Variants in RORA observed in about 807,000 individuals in gnomAD.
RORA encodes nuclear receptor ROR-alpha.
In RORA, 7 loss-of-function variants were observed where a neutral mutation model predicts 69.5. The ratio of observed to expected loss-of-function variants is 0.10; its 90% CI spans 0.06 to 0.19. RORA has a LOEUF of 0.19. Ranked by LOEUF, RORA falls within the 10% of genes least tolerant of loss-of-function variation. The pLI, the probability that RORA is intolerant of heterozygous loss-of-function variation, is 1.00. For synonymous variants in RORA, 261 were observed against 240.8 expected, an observed-to-expected ratio of 1.08 and a Z score of -0.78; for missense variants, 457 against 663.0, an observed-to-expected ratio of 0.69 and a Z score of 3.41.
At chr15:60,862,755 C>T (rs544390875) in intron 1 of RORA, among the ~76,000 whole-genome samples, 1 of 152,312 alleles carries the variant, frequency 6.6e-6, no homozygotes, top group Admixed American at 6.5e-5. Flanking sequence ...GGAGTGAGAA[C>T]TGTACAAGCT....
chr15:60,605,917 C>T (rs1253589386), intron 2 of RORA, among the ~76,000 whole-genome samples: 6 of 152,234 alleles, frequency 3.9e-5, no homozygotes, highest in East Asian at 1.9e-4. Context: ...AAGTGTTTTC[C>T]GCAGAGGCAC....
At chr15:60,686,286 C>A (rs959543848) in intron 1 of RORA, among the ~76,000 whole-genome samples, 4 of 152,200 alleles carry the variant, frequency 2.6e-5, no homozygotes, top group African/African-American at 9.6e-5. Context: ...AATCTTCAGA[C>A]AAAACTTATT....
At chr15:60,566,376 A>C (rs1193868360) in intron 2 of RORA, among the ~76,000 whole-genome samples, 1 of 152,186 alleles carries the variant, frequency 6.6e-6, no homozygotes, top group East Asian at 1.9e-4. Flanking sequence ...ATGTTATTTT[A>C]ATTTTTTTTG....
intron 1 of RORA, among the ~76,000 whole-genome samples, chr15:61,135,531 T>C (rs1348751018): frequency 6.8e-6 from 1 of 147,612 alleles, no homozygotes; most frequent in Non-Finnish European, 1.5e-5. Flanking sequence ...TCTCACACTT[T>C]GATGCTATTC....
chr15:61,124,432 T>G (rs782938), intron 1 of RORA, among the ~76,000 whole-genome samples: 2 of 151,812 alleles, frequency 1.3e-5, no homozygotes, highest in East Asian at 1.9e-4. Context: ...TCTCTGCCCC[T>G]CTGAGAGCAG....
At chr15:60,655,089 T>A (rs2070200356) in intron 2 of RORA, among the ~76,000 whole-genome samples, 2 of 152,182 alleles carry the variant, frequency 1.3e-5, no homozygotes, top group South Asian at 4.1e-4. Flanking sequence ...CGTAAAGTAA[T>A]ATTTGTTGGA....
At chr15:60,836,829 C>A (rs1325903042) in intron 1 of RORA, among the ~76,000 whole-genome samples, 1 of 151,898 alleles carries the variant, frequency 6.6e-6, no homozygotes, top group Non-Finnish European at 1.5e-5. Flanking sequence ...CCAATCAGCT[C>A]CCCCCTCTGC....
chr15:60,985,010 A>C (rs1894159448), intron 1 of RORA, among the ~76,000 whole-genome samples: 1 of 151,882 alleles, frequency 6.6e-6, no homozygotes, highest in East Asian at 1.9e-4. Flanking sequence ...TTGGAGGGAC[A>C]GAGAGATTAC....
chr15:61,069,277 G>T (rs1242038596), intron 1 of RORA, among the ~76,000 whole-genome samples: 10 of 152,098 alleles, frequency 6.6e-5, no homozygotes, highest in Non-Finnish European at 2.9e-5. Flanking sequence ...CAAATTAAAA[G>T]AACTTAAATG....
At chr15:60,824,010 T>C (rs920435194) in intron 1 of RORA, among the ~76,000 whole-genome samples, 2 of 152,158 alleles carry the variant, frequency 1.3e-5, no homozygotes, top group Non-Finnish European at 2.9e-5. Flanking sequence ...CTTATTGAAG[T>C]AGAATTATAA....
chr15:60,644,504 A>C (rs2070001936), intron 2 of RORA, among the ~76,000 whole-genome samples: 1 of 152,134 alleles, frequency 6.6e-6, no homozygotes, highest in African/African-American at 2.4e-5. Flanking sequence ...TTGACATGGG[A>C]TTTCTCTTTT....
intron 1 of RORA, among the ~76,000 whole-genome samples, chr15:61,017,943 AG>A (rs1214910606): frequency 6.6e-6 from 1 of 152,180 alleles, no homozygotes; most frequent in Admixed American, 6.5e-5. Context: ...AAGGAGTGAA[AG>A]GGTTGACAAA....
chr15:60,597,598 ATATATATATATATATATAT>A (rs2068718034), intron 2 of RORA, among the ~76,000 whole-genome samples: 5 of 16,634 alleles, frequency 3.0e-4, no homozygotes, highest in African/African-American at 6.9e-4. Flanking sequence ...ATATATACAC[ATATATATATATATATATAT>A]ACATACATAT....
chr15:60,949,910 G>C (rs956078964), intron 1 of RORA, among the ~76,000 whole-genome samples: 1 of 152,192 alleles, frequency 6.6e-6, no homozygotes. Context: ...TTCCAGCTCG[G>C]TAGGCTAGAA....
At chr15:60,735,494 G>T (rs953331728) in intron 1 of RORA, among the ~76,000 whole-genome samples, 4 of 151,684 alleles carry the variant, frequency 2.6e-5, no homozygotes. Context: ...AGAAACTAAT[G>T]CTACTTAATT....
intron 2 of RORA, among the ~76,000 whole-genome samples, chr15:60,609,188 C>T (rs1442920486): frequency 6.6e-6 from 1 of 152,182 alleles, no homozygotes; most frequent in Non-Finnish European, 1.5e-5. Flanking sequence ...AACTGACCTC[C>T]TTTCCACATT....
chr15:60,944,246 C>G (rs147887589), intron 1 of RORA, among the ~76,000 whole-genome samples: 1 of 152,118 alleles, frequency 6.6e-6, no homozygotes, highest in South Asian at 2.1e-4. Flanking sequence ...TGAGATGGAG[C>G]ATGGGCATCA....
intron 1 of RORA, among the ~76,000 whole-genome samples, chr15:61,006,759 T>G (rs144609537): frequency 9.3e-4 from 141 of 152,242 alleles, no homozygotes; most frequent in Non-Finnish European, 1.5e-3. Context: ...GCATTATCAG[T>G]GCTCACTAGA....
At chr15:60,667,046 C>T (rs971666342) in intron 2 of RORA, among the ~76,000 whole-genome samples, 2 of 152,092 alleles carry the variant, frequency 1.3e-5, no homozygotes, top group African/African-American at 4.8e-5. Context: ...CAGGAATTAC[C>T]GAATGTAAGG....
Sources: allele counts gnomAD v4.1 joint callset (sites outside exome capture counted in the v4.1 genomes callset), GRCh38; gene constraint gnomAD v4.1.1; transcripts MANE v1.5; gene names NCBI Gene and HGNC (gene_info 2026-07-23, HGNC 2026-07-21).